The following PAXBP1 variants were observed in gnomAD, a reference collection of about 807,000 sequenced individuals.
The protein encoded by PAXBP1 is PAX3- and PAX7-binding protein 1.
Under a neutral mutation model 119.9 loss-of-function variants are expected in PAXBP1, and 44 were observed. That is an observed-to-expected ratio of 0.37 (90% CI 0.29 to 0.47). The LOEUF (loss-of-function observed/expected upper bound fraction) is 0.47. PAXBP1 is among the 20% of genes least tolerant of loss of function. PAXBP1 has a pLI of 0.99. For synonymous variants in PAXBP1, 393 were observed against 406.6 expected (o/e 0.97, Z 0.40); for missense variants, 898 against 1,134.1 (o/e 0.79, Z 2.99).
chr21:32,751,267 G>A, intron 8 of PAXBP1, 49 bp from the exon 9 acceptor site: 5 of 1,569,758 alleles, frequency 3.2e-6, no homozygotes, highest in Non-Finnish European at 4.4e-6. Flanking sequence ...CAACAATCTT[G>A]AGGAAAGAGT....
intron 7 of PAXBP1, among the ~76,000 whole-genome samples, chr21:32,757,431 T>C (rs2044061626): frequency 6.6e-6 from 1 of 152,220 alleles, no homozygotes; most frequent in Non-Finnish European, 1.5e-5. Flanking sequence ...AATTAAAACG[T>C]AGTCACTGTA....
intron 15 of PAXBP1, among the ~76,000 whole-genome samples, chr21:32,739,984 A>G (rs1480572898): frequency 2.0e-5 from 3 of 147,268 alleles, no homozygotes; most frequent in East Asian, 2.0e-4. Context: ...TTGTTTACTT[A>G]CCTTAAACCC....
Position 32,762,215 on chromosome 21 carries a change from C to T in PAXBP1, c.752G>A (p.Gly251Asp). ...ATTCTCATCTTCTCTAACAAGGCGG[C>T]CTTTACCAGGCTCATTATCATGAGG... ...FTPHDNEPGK[G>D]RLVREDENDA... The change falls in exon 4 of 18, where the codon GGC (glycine) becomes GAC (aspartate). Residue 251 changes from glycine (G) to aspartate (D), a missense_variant. Physicochemically the swap from Gly to Asp is moderately conservative, Grantham distance 94 (BLOSUM62 -1). Coordinates refer to ENST00000331923, the MANE Select transcript of PAXBP1 (RefSeq NM_016631.4). 6.2e-7 allele frequency: 1 copy of T among 1,614,154 alleles called. No individual in the cohort carries two copies. The highest frequency in any genetic ancestry group is 8.5e-7 in the Non-Finnish European group (1 of 1,180,026).
intron 7 of PAXBP1, 22 bp downstream of exon 7, chr21:32,759,058 A>G: frequency 1.2e-6 from 2 of 1,611,474 alleles, no homozygotes; most frequent in East Asian, 4.5e-5. Context: ...ATTCAAAGAG[A>G]TTAGTATTTT....
chr21:32,771,262 GCGGGGGA>G, intron 1 of PAXBP1, 57 bp downstream of exon 1: 1 of 1,420,166 alleles, frequency 7.0e-7, no homozygotes, highest in Non-Finnish European at 9.4e-7. Context: ...GAATACGGGG[GCGGGGGA>G]CGGGGGCCTG....
chr21:32,760,086 T>A (rs2044114439), intron 5 of PAXBP1, 92 bp from the exon 6 acceptor site: 2 of 972,444 alleles, frequency 2.1e-6, no homozygotes, highest in Non-Finnish European at 3.0e-6. Flanking sequence ...ACAGCAAAAA[T>A]TATACCTATT....
chr21:32,751,127 C>T lies in PAXBP1; in HGVS notation c.1599G>A (p.Glu533=). The T allele has an allele frequency of 6.2e-7, 1 of 1,613,776 alleles. No individual in the cohort carries two copies. The highest frequency in any genetic ancestry group is 1.1e-5 in the South Asian group (1 of 91,078). The stretch of plus-strand genomic sequence containing the variant: ...AGGGTTTTGAGAATTACCTCCTGGC[C>T]TCCCGCTCTGCAATGCGACGTTTTG... The part of the protein sequence containing the change: ...EHAKRRIAER[E]ARRTRRRQAR... Residue 533 remains glutamate, a synonymous_variant, in exon 9 of 18, where the codon GAG becomes GAA. Transcript: ENST00000331923.
At chr21:32,744,978 G>T (rs1601589433) in intron 12 of PAXBP1, 65 bp from the exon 13 acceptor site, 2 of 1,512,890 alleles carry the variant, frequency 1.3e-6, no homozygotes, top group East Asian at 2.3e-5. Context: ...TTGTCAAGCA[G>T]ACCTCTATTA....
Position 32,761,128 on chromosome 21 carries a change from A to G in PAXBP1, c.906T>C (p.Thr302=). 6.2e-7 allele frequency: 1 copy of G among 1,613,976 alleles called. No individual in the cohort carries two copies. The highest frequency in any genetic ancestry group is 8.5e-7 in the Non-Finnish European group (1 of 1,179,984). The change falls in exon 5 of 18, where the codon ACT becomes ACC. Residue 302 remains threonine (T), a synonymous_variant. Coordinates refer to ENST00000331923, the MANE Select transcript of PAXBP1 (RefSeq NM_016631.4). ...GGCTGAGCTCTTCATCCTGTTCTCCAGTTACTAAAGCATCATCATCACTCC... is the reference window on the plus strand; with the variant it reads ...GGCTGAGCTCTTCATCCTGTTCTCCGGTTACTAAAGCATCATCATCACTCC... ...IEGSDDDALV[T]GEQDEELSRW...
chr21:32,759,263 G>C lies in PAXBP1; in HGVS notation c.1200C>G (p.Asp400Glu), dbSNP rs780939098. The C allele has an allele frequency of 8.7e-6, 14 of 1,613,380 alleles. No individual in the cohort carries two copies. The Admixed American group carries it at 1.3e-4, about 15-fold the overall frequency. ...LVKKQLKDRL[D>E]SMKELHKTNR... ...TTGTTTTGTGCAATTCTTTCATGGA[G>C]TCCAACCTTAGGAACACAAAAGGAT... The change falls in exon 7 of 18, where the codon GAC becomes GAG. Residue 400 changes from aspartate (D) to glutamate (E), a missense_variant. This residue lies in a region of PAXBP1 where 599 missense variants were observed against 852.7 expected (regional missense o/e 0.70). Coordinates refer to ENST00000331923, the MANE Select transcript of PAXBP1 (RefSeq NM_016631.4).
At chr21:32,760,942 T>C (rs898221757) in intron 5 of PAXBP1, 117 bp downstream of exon 5, 3 of 694,618 alleles carry the variant, frequency 4.3e-6, no homozygotes, top group Non-Finnish European at 2.4e-6. Context: ...TGTCTCCTCA[T>C]GGGATTTTGT....
chr21:32,744,260 TAA>T (rs762993580), intron 13 of PAXBP1, among the ~76,000 whole-genome samples: 25 of 57,538 alleles, frequency 4.3e-4, no homozygotes, highest in Admixed American at 6.2e-4. Flanking sequence ...GCTGATGAGC[TAA>T]AAAAAAAAAA....
At position 32,738,280 on chromosome 21, in the gene PAXBP1, T is replaced by G; in HGVS notation, c.2374A>C (p.Asn792His). 6.3e-7 allele frequency: 1 copy of G among 1,598,030 alleles called. No individual in the cohort carries two copies. The highest frequency in any genetic ancestry group is 1.2e-5 in the South Asian group (1 of 86,476). Reference protein sequence around the residue: ...NFLQWYGIFSNKTLQELSIDG... With the variant: ...NFLQWYGIFSHKTLQELSIDG... ...ATTGATAACTCTTGCAGAGTTTTAT[T>G]TGAGAAAATGCCATACCACTGAAGA... Residue 792 changes from asparagine to histidine, a missense_variant, in exon 16 of 18, where the codon AAT (asparagine) becomes CAT (histidine). Asn to His is a moderately conservative substitution (Grantham distance 68). Around this residue, in one of 2 missense-constraint regions of PAXBP1, gnomAD observed 599 missense variants for 852.7 expected, o/e 0.70. Coordinates refer to ENST00000331923, the MANE Select transcript of PAXBP1 (RefSeq NM_016631.4).
At chr21:32,740,933 T>G (rs2043773259) in intron 15 of PAXBP1, among the ~76,000 whole-genome samples, 1 of 152,154 alleles carries the variant, frequency 6.6e-6, no homozygotes, top group Non-Finnish European at 1.5e-5. Context: ...TTTGAAGACA[T>G]TTCACCAAAA....
intron 6 of PAXBP1, 129 bp from the exon 7 acceptor site, chr21:32,759,398 T>G: frequency 1.0e-6 from 1 of 979,272 alleles, no homozygotes; most frequent in Non-Finnish European, 1.5e-6. Flanking sequence ...ATGGCATCTT[T>G]TCCTCTGTAC....
chr21:32,743,193 T>A (rs2043815243), intron 15 of PAXBP1, 55 bp downstream of exon 15: 1 of 1,297,448 alleles, frequency 7.7e-7, no homozygotes, highest in Non-Finnish European at 1.1e-6. Flanking sequence ...CTAAAAAATG[T>A]AATATATGAA....
At chr21:32,752,194 G>A (rs2043967601) in intron 8 of PAXBP1, 1 of 152,264 alleles carries the variant, frequency 6.6e-6, no homozygotes, top group Non-Finnish European at 1.5e-5. Flanking sequence ...GGCAGGAGCT[G>A]TCTAACAGAG....
intron 15 of PAXBP1, among the ~76,000 whole-genome samples, chr21:32,739,834 G>A (rs1177279784): frequency 6.7e-6 from 1 of 149,978 alleles, no homozygotes; most frequent in Admixed American, 6.7e-5. Flanking sequence ...GCTGGGCACA[G>A]TGGCTTATAC....
rs754479082 is a variant in PAXBP1, at chr21:32,769,838, T to C, written c.448A>G (p.Thr150Ala). 12 of 1,602,194 alleles carry C rather than the reference T, an allele frequency of 7.5e-6. No homozygotes were observed. Among genetic ancestry groups the C allele is most frequent in the Non-Finnish European group, 1.0e-5 (12 of 1,176,910 alleles). ...CTTTCAGCTGATGAGTTGAGTTCTGTCTTAATCTTCGATTTTTCAAGATCT... is the reference window on the plus strand; with the variant it reads ...CTTTCAGCTGATGAGTTGAGTTCTGCCTTAATCTTCGATTTTTCAAGATCT... ...KEDLEKSKIK[T>A]ELNSSAESEQ... The change falls in exon 2 of 18, where the codon ACA becomes GCA. Residue 150 changes from threonine to alanine, a missense_variant. By Grantham distance (58) the Thr-to-Ala change is moderately conservative. Coordinates refer to ENST00000331923, the MANE Select transcript of PAXBP1 (RefSeq NM_016631.4).
Sources: gnomAD v4.1 joint callset for allele counts (sites outside exome capture counted in the v4.1 genomes callset) on GRCh38, gnomAD v4.1.1 for gene constraint, gnomAD v4.1.1 regional missense constraint, MANE v1.5 for transcripts, NCBI Gene and HGNC (gene_info 2026-07-23, HGNC 2026-07-21) for gene names.